Variants in TRIM58 observed in about 807,000 individuals in gnomAD.
The protein encoded by TRIM58 is E3 ubiquitin-protein ligase TRIM58.
In TRIM58, 38 loss-of-function variants were observed where a neutral mutation model predicts 34.1. The observed-to-expected ratio is 1.12, with a 90% confidence interval of 0.86 to 1.46. The LOEUF is 1.46. Among genes scored for constraint, TRIM58 ranks in the 40% most tolerant of loss-of-function variants. The pLI, the probability that TRIM58 is intolerant of heterozygous loss-of-function variation, is 0.00. For missense variants in TRIM58, 677 were observed against 642.0 expected (o/e 1.05, Z -0.59); for synonymous variants, 273 against 275.7 (o/e 0.99, Z 0.10).
chr1:247,863,430 C>T (rs922907074), intron 2 of TRIM58, among the ~76,000 whole-genome samples: 1 of 151,722 alleles, frequency 6.6e-6, no homozygotes, highest in Non-Finnish European at 1.5e-5. Context: ...CCCACTTACT[C>T]GGGAGGCTGA....
chr1:247,860,234 T>G (rs1367189592), intron 1 of TRIM58, among the ~76,000 whole-genome samples: 1 of 152,134 alleles, frequency 6.6e-6, no homozygotes, highest in Admixed American at 6.5e-5. Context: ...AAGGCCAAGA[T>G]GGGAGACTCT....
At position 247,877,636 on chromosome 1, in the gene TRIM58, C is replaced by T. The variant is rs539290858; in HGVS notation, c.*1147C>T. The T allele has an allele frequency of 2.6e-5, 4 of 152,020 alleles. No individual in the cohort carries two copies. In the South Asian group the frequency reaches 8.3e-4, roughly 32 times the overall value. 9.4% of individuals were successfully genotyped at this position (152,020 alleles called of 1,614,324 possible). On this transcript the variant is annotated 3_prime_UTR_variant, in exon 6 of 6. Coordinates refer to ENST00000366481, the MANE Select transcript of TRIM58 (RefSeq NM_015431.4). ...CTCTTTTAGCTGCTTGTTATGGTTC[C>T]TATACATGGAACAATTATACTGGCC... is the stretch of plus-strand genomic sequence containing the variant.
chr1:247,862,409 C>G lies in TRIM58; in HGVS notation c.516+1697C>G, dbSNP rs984261330. Among the ~76,000 whole-genome samples the G allele has an allele frequency of 1.3e-5, 2 of 152,106 alleles. 1 individual carries two copies. Among genetic ancestry groups the G allele is most frequent in the Admixed American group, 1.3e-4 (2 of 15,284 alleles). ...CAGTGGGTTCTGCAGTAAGATCAAG[C>G]TAGTAAAGCATAGTTTCGATTGGGT... On this transcript the variant is annotated intron_variant, in intron 2 of 5. Transcript: ENST00000366481.
chr1:247,860,363 A>C (rs1329555766), intron 1 of TRIM58, among the ~76,000 whole-genome samples: 1 of 152,086 alleles, frequency 6.6e-6, no homozygotes. Context: ...TGGGAGGCTG[A>C]GGTGGGAGGA....
chr1:247,876,734 GT>G lies in TRIM58; in HGVS notation c.*246del. On this transcript the variant is annotated 3_prime_UTR_variant, in exon 6 of 6. Transcript: ENST00000366481. ...TATTTCTAGATCACATTTTCTTGAT[GT>G]CTTCCTTCAAATTAATGACCTTGGA... 4.1e-6 allele frequency: 2 copies of G among 488,618 alleles called. No individual in the cohort carries two copies. The highest frequency in any genetic ancestry group is 7.2e-6 in the Non-Finnish European group (2 of 277,402). 30.3% of individuals were successfully genotyped at this position (488,618 alleles called of 1,614,324 possible). A position where few individuals can be genotyped will look rare whatever the true frequency, so the allele number is the denominator to read the frequency against.
chr1:247,866,479 G>A (rs568091842), intron 3 of TRIM58, among the ~76,000 whole-genome samples: 2 of 152,268 alleles, frequency 1.3e-5, no homozygotes, highest in Non-Finnish European at 2.9e-5. Flanking sequence ...CCCTGTGCCC[G>A]GCTTGACAAT....
rs1227172455 is a variant in TRIM58, at chr1:247,857,672, G to A, written c.420+6G>A. 1 of 1,225,252 alleles carries A rather than the reference G, an allele frequency of 8.2e-7. No homozygotes were observed. Among genetic ancestry groups the A allele is most frequent in the Non-Finnish European group, 1.0e-6 (1 of 983,652 alleles). The allele number at this position is 1,225,252 out of a possible 1,614,324, so 75.9% of individuals were successfully genotyped here. ...AGGCCGCCGGCAGCTACCAGGTGAG[G>A]CGCCCCCCGGCGGGGGCTGCGGGCG... is the stretch of plus-strand genomic sequence containing the variant. On this transcript the variant is annotated splice_donor_region_variant and intron_variant, in intron 1 of 5. Coordinates refer to ENST00000366481, the MANE Select transcript of TRIM58 (RefSeq NM_015431.4).
chr1:247,869,601 T>C (rs1225357785), intron 5 of TRIM58, among the ~76,000 whole-genome samples: 1 of 152,252 alleles, frequency 6.6e-6, no homozygotes, highest in African/African-American at 2.4e-5. Context: ...TCCTGCACTG[T>C]AGACCAAATA....
chr1:247,865,516 C>T (rs1472688491), intron 3 of TRIM58, among the ~76,000 whole-genome samples: 3 of 152,156 alleles, frequency 2.0e-5, no homozygotes, highest in Non-Finnish European at 4.4e-5. Flanking sequence ...AATTGTCCAG[C>T]TTGAAATTGT....
chr1:247,873,975 AG>A (rs150693069), intron 5 of TRIM58, among the ~76,000 whole-genome samples: 23,950 of 151,854 alleles, frequency 0.16, 1,942 homozygotes, highest in Admixed American at 0.19. Flanking sequence ...CAAAAAAAAA[AG>A]TAGTTCACTG....
chr1:247,859,794 A>G (rs1663739179), intron 1 of TRIM58, among the ~76,000 whole-genome samples: 1 of 151,986 alleles, frequency 6.6e-6, no homozygotes, highest in Non-Finnish European at 1.5e-5. Flanking sequence ...ATATAAATAT[A>G]GAGAAATGTA....
intron 5 of TRIM58, among the ~76,000 whole-genome samples, chr1:247,869,619 C>A (rs936841159): frequency 2.0e-5 from 3 of 152,234 alleles, no homozygotes; most frequent in African/African-American, 7.2e-5. Context: ...ATACGTACTT[C>A]ACAGTATCAT....
chr1:247,864,177 C>T (rs1420498804), intron 2 of TRIM58, among the ~76,000 whole-genome samples: 1 of 152,100 alleles, frequency 6.6e-6, no homozygotes, highest in Non-Finnish European at 1.5e-5. Context: ...TGGAGTCTTG[C>T]TCTGTTACCC....
At chr1:247,861,657 A>G (rs768009047) in intron 2 of TRIM58, among the ~76,000 whole-genome samples, 7 of 152,100 alleles carry the variant, frequency 4.6e-5, no homozygotes, top group Non-Finnish European at 7.4e-5. Flanking sequence ...ATCACTCTAT[A>G]TATTTATAAT....
intron 2 of TRIM58, among the ~76,000 whole-genome samples, chr1:247,864,191 C>T (rs936650650): frequency 6.6e-6 from 1 of 152,134 alleles, no homozygotes; most frequent in African/African-American, 2.4e-5. Context: ...GTTACCCAGG[C>T]TGAAGTGCAG....
At chr1:247,873,986 G>C (rs1345070803) in intron 5 of TRIM58, among the ~76,000 whole-genome samples, 3 of 151,852 alleles carry the variant, frequency 2.0e-5, no homozygotes, top group African/African-American at 4.9e-5. Context: ...GTAGTTCACT[G>C]TAAGTGTTTA....
rs1168467688 is a variant in TRIM58 at position 247,878,344 on chromosome 1, A to G, written c.*1855A>G. 6.6e-6 allele frequency: 1 copy of G among 152,158 alleles called. No individual in the cohort carries two copies. Among genetic ancestry groups the G allele is most frequent in the Non-Finnish European group, 1.5e-5 (1 of 68,030 alleles). 9.4% of individuals were successfully genotyped at this position (152,158 alleles called of 1,614,324 possible). A position where few individuals can be genotyped will look rare whatever the true frequency, so the allele number is the denominator to read the frequency against. On this transcript the variant is annotated 3_prime_UTR_variant, in exon 6 of 6. Coordinates refer to ENST00000366481, the MANE Select transcript of TRIM58 (RefSeq NM_015431.4). ...TTTCCTCCTCAATTTGAAGTTCAAG[A>G]TGTTTTTCTCTTCCAGGGAGATTTT...
At chr1:247,869,239 G>A (rs11204531) in intron 5 of TRIM58, among the ~76,000 whole-genome samples, 76,271 of 152,020 alleles carry the variant, frequency 0.5, 21,118 homozygotes, top group Middle Eastern at 0.68. Context: ...GAAGCACTAT[G>A]TAGACGTGAT....
intron 5 of TRIM58, among the ~76,000 whole-genome samples, chr1:247,871,342 A>G (rs1377445091): frequency 6.6e-6 from 1 of 152,238 alleles, no homozygotes; most frequent in African/African-American, 2.4e-5. Flanking sequence ...TAGTGAGTCA[A>G]TAAAGCCAAA....
Sources: gnomAD v4.1 joint callset for allele counts (sites outside exome capture counted in the v4.1 genomes callset) on GRCh38, gnomAD v4.1.1 for gene constraint, MANE v1.5 for transcripts, NCBI Gene and HGNC (gene_info 2026-07-23, HGNC 2026-07-21) for gene names.